Variants in B3GAT2 observed in about 807,000 individuals in gnomAD.
B3GAT2 encodes beta-1,3-glucuronyltransferase 2.
A neutral mutation model predicts 27.8 loss-of-function variants in B3GAT2; 26 were observed. That is an observed-to-expected ratio of 0.93 (90% confidence interval 0.68 to 1.30). B3GAT2 has a LOEUF of 1.30. Ranked by LOEUF, B3GAT2 falls within the 50% of genes most tolerant of loss-of-function variation. The pLI is 0.00. For synonymous variants in B3GAT2, 218 were observed against 195.1 expected (o/e 1.12, Z -0.98); for missense variants, 458 against 459.0 (o/e 1.00, Z 0.02).
At chr6:70,864,146 G>T (rs1771812756) in intron 2 of B3GAT2, among the ~76,000 whole-genome samples, 1 of 147,652 alleles carries the variant, frequency 6.8e-6, no homozygotes, top group Admixed American at 6.9e-5. Context: ...TCTTCACATG[G>T]CTTCAGGATA....
chr6:70,897,561 A>C (rs1247109173), intron 1 of B3GAT2, among the ~76,000 whole-genome samples: 2 of 151,924 alleles, frequency 1.3e-5, no homozygotes, highest in African/African-American at 2.4e-5. Context: ...CAACATGGTG[A>C]AACCCCGTCT....
At chr6:70,891,344 TC>T (rs1301858419) in intron 2 of B3GAT2, among the ~76,000 whole-genome samples, 1 of 152,146 alleles carries the variant, frequency 6.6e-6, no homozygotes, top group African/African-American at 2.4e-5. Context: ...TTAAAAAATA[TC>T]CTCCAATGGA....
intron 2 of B3GAT2, among the ~76,000 whole-genome samples, chr6:70,875,366 T>A (rs1266760368): frequency 6.6e-6 from 1 of 152,226 alleles, no homozygotes; most frequent in Non-Finnish European, 1.5e-5. Flanking sequence ...GATTTAGGAA[T>A]CATTTCCACT....
Position 70,925,455 on chromosome 6 carries a change from C to T in B3GAT2, c.591+30384G>A, listed in dbSNP as rs562504806. 1.5e-3 allele frequency among the ~76,000 whole-genome samples: 232 copies of T among 152,328 alleles called. 1 individual carries two copies. Among genetic ancestry groups the T allele is most frequent in the African/African-American group, 4.9e-3 (204 of 41,568 alleles). On this transcript the variant is annotated intron_variant, in intron 1 of 3. Transcript: ENST00000230053. Reference sequence around the variant, plus strand: ...TCGGGACACTCCCGCCCTAATACTGCGCTTTTCCAATGGTCTTAGCAAACG... The same window carrying T: ...TCGGGACACTCCCGCCCTAATACTGTGCTTTTCCAATGGTCTTAGCAAACG...
At chr6:70,913,832 TG>T in intron 1 of B3GAT2, among the ~76,000 whole-genome samples, 1 of 152,332 alleles carries the variant, frequency 6.6e-6, no homozygotes, top group Non-Finnish European at 1.5e-5. Flanking sequence ...TGGTTATCCA[TG>T]TCTCTTTGTA....
intron 1 of B3GAT2, among the ~76,000 whole-genome samples, chr6:70,947,741 A>G (rs1329447594): frequency 2.0e-5 from 3 of 151,952 alleles, no homozygotes; most frequent in Non-Finnish European, 2.9e-5. Flanking sequence ...TGAGGCCAGC[A>G]TCATCCTGAT....
chr6:70,942,014 C>G (rs1025029841), intron 1 of B3GAT2, among the ~76,000 whole-genome samples: 4 of 152,058 alleles, frequency 2.6e-5, no homozygotes, highest in Non-Finnish European at 4.4e-5. Flanking sequence ...ACTAGATGGA[C>G]AAATACTTAT....
chr6:70,925,514 G>A (rs527614811), intron 1 of B3GAT2, among the ~76,000 whole-genome samples: 90 of 152,310 alleles, frequency 5.9e-4, no homozygotes, highest in African/African-American at 2.0e-3. Flanking sequence ...TGCCTGGCTC[G>A]GCGGTTCCCA....
chr6:70,939,951 G>A (rs994520351), intron 1 of B3GAT2, among the ~76,000 whole-genome samples: 2 of 151,954 alleles, frequency 1.3e-5, no homozygotes, highest in African/African-American at 4.8e-5. Flanking sequence ...ATATCCCAGA[G>A]GGTTAATGTT....
At chr6:70,915,368 T>C (rs1354258316) in intron 1 of B3GAT2, among the ~76,000 whole-genome samples, 1 of 152,196 alleles carries the variant, frequency 6.6e-6, no homozygotes, top group Non-Finnish European at 1.5e-5. Context: ...CTATTCACTC[T>C]GATGGTAGTT....
chr6:70,929,679 T>C (rs9455254), intron 1 of B3GAT2, among the ~76,000 whole-genome samples: 7,612 of 152,190 alleles, frequency 0.05, 203 homozygotes, highest in African/African-American at 0.067. Flanking sequence ...AAACCACTGC[T>C]CAATGAAATA....
chr6:70,926,356 A>G (rs938397439), intron 1 of B3GAT2, among the ~76,000 whole-genome samples: 2 of 152,190 alleles, frequency 1.3e-5, no homozygotes, highest in Non-Finnish European at 2.9e-5. Context: ...GCTTCAGAAG[A>G]TTGGTAATAA....
intron 2 of B3GAT2, among the ~76,000 whole-genome samples, chr6:70,862,664 T>C (rs1296550322): frequency 6.6e-6 from 1 of 152,156 alleles, no homozygotes; most frequent in Non-Finnish European, 1.5e-5. Context: ...CTTCAATGGT[T>C]TGGTCATACG....
At chr6:70,866,545 A>G (rs1436121413) in intron 2 of B3GAT2, among the ~76,000 whole-genome samples, 1 of 152,200 alleles carries the variant, frequency 6.6e-6, no homozygotes, top group East Asian at 1.9e-4. Flanking sequence ...ACAATGTCTG[A>G]GATGAAAAAT....
intron 1 of B3GAT2, among the ~76,000 whole-genome samples, chr6:70,905,261 G>T (rs919962373): frequency 3.3e-5 from 5 of 152,134 alleles, no homozygotes; most frequent in Admixed American, 3.3e-4. Flanking sequence ...TTACTGCTTT[G>T]GAAGTCCCCC....
intron 2 of B3GAT2, among the ~76,000 whole-genome samples, chr6:70,872,160 C>T (rs140595590): frequency 0.013 from 2,012 of 151,898 alleles, 12 homozygotes; most frequent in Non-Finnish European, 0.022. Flanking sequence ...GAGAAGAAAG[C>T]GTATTCCATT....
chr6:70,950,063 G>T (rs1361010152), intron 1 of B3GAT2, among the ~76,000 whole-genome samples: 1 of 151,582 alleles, frequency 6.6e-6, no homozygotes, highest in Non-Finnish European at 1.5e-5. Context: ...GTGGGGTGGG[G>T]GTTGGGGGGA....
At chr6:70,871,209 T>G (rs1048371252) in intron 2 of B3GAT2, among the ~76,000 whole-genome samples, 7 of 100,040 alleles carry the variant, frequency 7.0e-5, no homozygotes, top group East Asian at 3.5e-4. Flanking sequence ...GGTCTGTCTG[T>G]TTTTTTTTTT....
At chr6:70,908,856 T>C (rs574333742) in intron 1 of B3GAT2, among the ~76,000 whole-genome samples, 1 of 152,122 alleles carries the variant, frequency 6.6e-6, no homozygotes, top group African/African-American at 2.4e-5. Context: ...GAAAACATAC[T>C]CAGAATATGT....
Sources: gnomAD v4.1 joint callset for allele counts (sites outside exome capture counted in the v4.1 genomes callset) on GRCh38, gnomAD v4.1.1 for gene constraint, MANE v1.5 for transcripts, NCBI Gene and HGNC (gene_info 2026-07-23, HGNC 2026-07-21) for gene names.